ANK3: variants seen among roughly 807,000 people sequenced by gnomAD.
ANK3 encodes the protein ankyrin 3, also known as ankyrin-3.
ANK3 carries 57 observed loss-of-function variants against 370.9 expected under a neutral mutation model. The observed-to-expected ratio is 0.15, with a 90% CI of 0.12 to 0.19. ANK3 has a LOEUF of 0.19. ANK3 is among the 10% of genes least tolerant of loss of function. The probability of loss-of-function intolerance (pLI) is 1.00; values close to 1 mark genes in which losing one functional copy is unlikely to be tolerated. For missense variants in ANK3, 4,439 were observed against 5,302.1 expected, an observed-to-expected ratio of 0.84 and a Z score of 5.06; for synonymous variants, 1,929 against 1,946.3, an observed-to-expected ratio of 0.99 and a Z score of 0.23.
chr10:60,031,771 G>T (rs2073622695), intron 43 of ANK3, among the ~76,000 whole-genome samples: 1 of 152,118 alleles, frequency 6.6e-6, no homozygotes, highest in Admixed American at 6.6e-5. Context: ...AAACATGTTG[G>T]TAGAGCACTT....
intron 4 of ANK3, among the ~76,000 whole-genome samples, chr10:60,272,932 A>G (rs2098023213): frequency 6.6e-6 from 1 of 152,190 alleles, no homozygotes; most frequent in South Asian, 2.1e-4. Context: ...CTATCCACAC[A>G]TCTCTGGCTC....
intron 23 of ANK3, among the ~76,000 whole-genome samples, chr10:60,143,941 G>A (rs1432319330): frequency 2.0e-5 from 3 of 152,160 alleles, no homozygotes; most frequent in Non-Finnish European, 4.4e-5. Context: ...CTTAGAACCA[G>A]GGAAAGAGAG....
intron 2 of ANK3, among the ~76,000 whole-genome samples, chr10:60,496,670 C>G (rs1442980181): frequency 1.4e-5 from 2 of 145,058 alleles, no homozygotes; most frequent in Admixed American, 7.1e-5. Context: ...AAAGTACTTT[C>G]TGTCCAAGAT....
At chr10:60,614,348 T>TAATA (rs764495866) in intron 2 of ANK3, among the ~76,000 whole-genome samples, 5 of 152,194 alleles carry the variant, frequency 3.3e-5, no homozygotes, top group African/African-American at 4.8e-5. Context: ...GCTCTTATTA[T>TAATA]GGCACCAAGT....
At chr10:60,163,730 A>G (rs1033971687) in intron 23 of ANK3, among the ~76,000 whole-genome samples, 3 of 152,080 alleles carry the variant, frequency 2.0e-5, no homozygotes, top group Admixed American at 6.6e-5. Context: ...AATTTTAAAT[A>G]TCTACTTACA....
intron 43 of ANK3, among the ~76,000 whole-genome samples, chr10:60,035,718 G>A (rs1054412788): frequency 7.9e-5 from 12 of 151,342 alleles, no homozygotes; most frequent in Non-Finnish European, 1.0e-4. Flanking sequence ...GGCGGGGTGC[G>A]GTGGCTCACA....
chr10:60,643,738 A>ATGAC, intron 1 of ANK3, among the ~76,000 whole-genome samples: 1 of 152,092 alleles, frequency 6.6e-6, no homozygotes, highest in Non-Finnish European at 1.5e-5. Context: ...TGGTTAATCC[A>ATGAC]CAAATGGAAC....
chr10:60,645,145 A>AT (rs1159163877), intron 1 of ANK3, among the ~76,000 whole-genome samples: 2 of 152,022 alleles, frequency 1.3e-5, no homozygotes, highest in African/African-American at 4.8e-5. Flanking sequence ...TCCTAATGAG[A>AT]TTTTTTTGAT....
intron 7 of ANK3, among the ~76,000 whole-genome samples, chr10:60,240,243 CACATATATAT>C (rs2097425677): frequency 7.1e-6 from 1 of 140,606 alleles, no homozygotes; most frequent in Non-Finnish European, 1.5e-5. Flanking sequence ...TATATATACA[CACATATATAT>C]ACATATACAC....
At chr10:60,581,601 T>A (rs1020007278) in intron 2 of ANK3, among the ~76,000 whole-genome samples, 3 of 151,858 alleles carry the variant, frequency 2.0e-5, no homozygotes, top group African/African-American at 7.2e-5. Flanking sequence ...ATTATTATTT[T>A]TTTTTTTTTG....
intron 2 of ANK3, among the ~76,000 whole-genome samples, chr10:60,413,386 C>T (rs1194324977): frequency 6.6e-6 from 1 of 152,214 alleles, no homozygotes; most frequent in Non-Finnish European, 1.5e-5. Flanking sequence ...TAAAGCTCTA[C>T]AGAATAAGTG....
chr10:60,642,776 A>C (rs908168250), intron 1 of ANK3, among the ~76,000 whole-genome samples: 8 of 152,198 alleles, frequency 5.3e-5, no homozygotes, highest in Non-Finnish European at 8.8e-5. Flanking sequence ...CTTAAAGTAT[A>C]ATAATGATAA....
chr10:60,543,834 C>A (rs773590181), intron 2 of ANK3, among the ~76,000 whole-genome samples: 1 of 152,048 alleles, frequency 6.6e-6, no homozygotes, highest in Non-Finnish European at 1.5e-5. Context: ...TACCTGAAAT[C>A]CCAGCATGGT....
rs538194838 is a variant in ANK3, at chr10:60,490,375, T to C, written c.96+124811A>G. 3.5e-4 allele frequency among the ~76,000 whole-genome samples: 53 copies of C among 152,274 alleles called. No individual in the cohort carries two copies. The South Asian group carries it at 0.011, about 31-fold the overall frequency. ...CCATGCTTCTGATGCATGAAAAAGT[T>C]TGACGACCACTGCTCCGCACTTCCT... On this transcript the variant is annotated intron_variant, in intron 2 of 43. Transcript: ENST00000373827.
intron 2 of ANK3, among the ~76,000 whole-genome samples, chr10:60,477,043 A>G (rs2075084855): frequency 6.6e-6 from 1 of 152,118 alleles, no homozygotes; most frequent in African/African-American, 2.4e-5. Context: ...AAAAAAGGTC[A>G]CTTCTATTCT....
At chr10:60,214,892 G>A (rs994018925) in intron 8 of ANK3, among the ~76,000 whole-genome samples, 13 of 152,150 alleles carry the variant, frequency 8.5e-5, no homozygotes, top group Non-Finnish European at 1.5e-4. Flanking sequence ...TGGGATTGCT[G>A]GGTCAAATGG....
At chr10:60,392,193 T>C (rs2063125818), upstream of ANK3, among the ~76,000 whole-genome samples, 1 of 152,190 alleles carries the variant, frequency 6.6e-6, no homozygotes, top group Admixed American at 6.5e-5. Context: ...TAGCCACAAA[T>C]GCCAGTTTCC....
intron 2 of ANK3, among the ~76,000 whole-genome samples, chr10:60,544,233 G>T (rs1451007927): frequency 6.6e-6 from 1 of 152,042 alleles, no homozygotes; most frequent in African/African-American, 2.4e-5. Context: ...GTCCTGGCAG[G>T]AAATAGTCTT....
intron 1 of ANK3, among the ~76,000 whole-genome samples, chr10:60,350,260 C>T (rs1365404035): frequency 1.3e-5 from 2 of 152,050 alleles, no homozygotes; most frequent in Non-Finnish European, 2.9e-5. Flanking sequence ...AAAATGGTAG[C>T]TAAAGGTTTT....
Sources: allele counts gnomAD v4.1 joint callset (sites outside exome capture counted in the v4.1 genomes callset), GRCh38; gene constraint gnomAD v4.1.1; transcripts MANE v1.5; gene names NCBI Gene and HGNC (gene_info 2026-07-23, HGNC 2026-07-21).